The following ABTB3 variants were observed in gnomAD, a reference collection of about 807,000 sequenced individuals.
ABTB3 encodes ankyrin repeat and BTB domain containing 3, also known as ankyrin repeat- and BTB/POZ domain-containing protein 3.
At chr12:107,575,261 C>T in the ABTB3 span, among the ~76,000 whole-genome samples, 1 of 152,184 alleles carries the variant, frequency 6.6e-6, no homozygotes, top group South Asian at 2.1e-4. Context: ...AGGAACATCC[C>T]TCTATGTCGC....
At chr12:107,427,921 G>A in the ABTB3 span, among the ~76,000 whole-genome samples, 1 of 152,128 alleles carries the variant, frequency 6.6e-6, no homozygotes, top group African/African-American at 2.4e-5. Context: ...CCATTTCAGG[G>A]CTTAGCCTGG....
At chr12:107,582,739 T>C in the ABTB3 span, among the ~76,000 whole-genome samples, 1 of 152,220 alleles carries the variant, frequency 6.6e-6, no homozygotes, top group Non-Finnish European at 1.5e-5. Flanking sequence ...CTTGTGGTCC[T>C]ACTCTAAGTC....
chr12:107,468,261 C>T, the ABTB3 span, among the ~76,000 whole-genome samples: 8 of 152,288 alleles, frequency 5.3e-5, no homozygotes, highest in South Asian at 1.7e-3. Flanking sequence ...TGAGCTGGAG[C>T]CAGCCGGCTG....
At chr12:107,351,010 G>A in the ABTB3 span, among the ~76,000 whole-genome samples, 3 of 152,140 alleles carry the variant, frequency 2.0e-5, no homozygotes, top group African/African-American at 7.2e-5. Flanking sequence ...TCAGCACTAA[G>A]GTCTTTGCTA....
At chr12:107,507,075 G>A in the ABTB3 span, among the ~76,000 whole-genome samples, 1 of 152,240 alleles carries the variant, frequency 6.6e-6, no homozygotes, top group East Asian at 1.9e-4. Flanking sequence ...TGAAGAGAGG[G>A]TGTAAAGAGG....
chr12:107,562,285 A>G, the ABTB3 span, among the ~76,000 whole-genome samples: 3 of 152,252 alleles, frequency 2.0e-5, no homozygotes, highest in Non-Finnish European at 4.4e-5. Context: ...ATACAGAGAA[A>G]TCAAACTGGG....
chr12:107,654,204 G>T, the ABTB3 span, among the ~76,000 whole-genome samples: 1 of 152,170 alleles, frequency 6.6e-6, no homozygotes, highest in Non-Finnish European at 1.5e-5. Flanking sequence ...CACTTTAGTT[G>T]CTTCCACTTT....
chr12:107,394,874 C>T, the ABTB3 span, among the ~76,000 whole-genome samples: 1 of 152,202 alleles, frequency 6.6e-6, no homozygotes, highest in Non-Finnish European at 1.5e-5. Context: ...CTCAGGGTGG[C>T]CTGTGACTCC....
At chr12:107,580,780 C>T in the ABTB3 span, 12 of 1,461,128 alleles carry the variant, frequency 8.2e-6, no homozygotes, top group East Asian at 7.6e-5. Flanking sequence ...GGTTTTCCGC[C>T]GCTCCAGACC....
chr12:107,461,664 T>G, the ABTB3 span, among the ~76,000 whole-genome samples: 1 of 152,206 alleles, frequency 6.6e-6, no homozygotes, highest in African/African-American at 2.4e-5. Flanking sequence ...GCTTAAGACT[T>G]GTATTGCAGA....
the ABTB3 span, among the ~76,000 whole-genome samples, chr12:107,542,036 G>A: frequency 4.6e-5 from 7 of 152,054 alleles, no homozygotes; most frequent in African/African-American, 1.4e-4. Flanking sequence ...CTGGCCAGGC[G>A]CGGTGGGTCA....
At chr12:107,649,056 C>G in the ABTB3 span, 4 of 653,464 alleles carry the variant, frequency 6.1e-6, no homozygotes, top group East Asian at 1.1e-4. Flanking sequence ...AGGTAGTGAG[C>G]TCTTGGTCAC....
chr12:107,496,702 C>A, the ABTB3 span, among the ~76,000 whole-genome samples: 1 of 152,264 alleles, frequency 6.6e-6, no homozygotes, highest in Admixed American at 6.5e-5. Context: ...GGAGACATAC[C>A]AACTCATACA....
chr12:107,545,871 C>T, the ABTB3 span, among the ~76,000 whole-genome samples: 3 of 151,978 alleles, frequency 2.0e-5, no homozygotes, highest in African/African-American at 2.4e-5. Context: ...CCTGTCCAGC[C>T]GTGCAGTTTC....
chr12:107,454,168 A>T, the ABTB3 span, among the ~76,000 whole-genome samples: 1 of 152,248 alleles, frequency 6.6e-6, no homozygotes, highest in Non-Finnish European at 1.5e-5. Flanking sequence ...TACCTGATCA[A>T]TGGGGATGCA....
chr12:107,319,174 G>C, the ABTB3 span: 16 of 1,598,756 alleles, frequency 1.0e-5, no homozygotes, highest in Non-Finnish European at 1.3e-5. Context: ...AAGACTCCGA[G>C]GGGCTGGACT....
At chr12:107,511,714 T>C in the ABTB3 span, among the ~76,000 whole-genome samples, 70,427 of 151,940 alleles carry the variant, frequency 0.46, 17,003 homozygotes, top group African/African-American at 0.59. Flanking sequence ...GCAAATAGAC[T>C]GTTGATGGAA....
At chr12:107,629,979 C>T in the ABTB3 span, among the ~76,000 whole-genome samples, 1 of 152,202 alleles carries the variant, frequency 6.6e-6, no homozygotes, top group East Asian at 1.9e-4. Flanking sequence ...AAGGGCCCTC[C>T]TGGAGTTCAG....
the ABTB3 span, among the ~76,000 whole-genome samples, chr12:107,322,630 G>A: frequency 6.6e-6 from 1 of 151,016 alleles, no homozygotes; most frequent in Non-Finnish European, 1.5e-5. Flanking sequence ...CGAATTCTAG[G>A]GTCTGAGCAA....
Sources: gnomAD v4.1 joint callset for allele counts (sites outside exome capture counted in the v4.1 genomes callset) on GRCh38, gnomAD v4.1.1 for gene constraint, MANE v1.5 for transcripts, NCBI Gene and HGNC (gene_info 2026-07-23, HGNC 2026-07-21) for gene names.